Variants in CTNNBL1 observed in about 807,000 individuals in gnomAD.
CTNNBL1 encodes catenin beta like 1.
CTNNBL1 carries 31 observed loss-of-function variants against 72.7 expected under a neutral mutation model. The ratio of observed to expected loss-of-function variants is 0.43; its 90% CI spans 0.32 to 0.58. The LOEUF is 0.58. CTNNBL1 is among the 20% of genes least tolerant of loss of function. CTNNBL1 has a pLI of 0.08. For missense variants in CTNNBL1, 534 were observed against 725.1 expected, an observed-to-expected ratio of 0.74 and a Z score of 3.03; for synonymous variants, 240 against 267.3, an observed-to-expected ratio of 0.90 and a Z score of 1.00.
At chr20:37,702,130 C>G (rs568925471) in intron 1 of CTNNBL1, among the ~76,000 whole-genome samples, 1 of 152,302 alleles carries the variant, frequency 6.6e-6, no homozygotes, top group East Asian at 1.9e-4. Flanking sequence ...ATCCTCCTGC[C>G]TCAGTCTCCT....
intron 13 of CTNNBL1, among the ~76,000 whole-genome samples, chr20:37,857,885 G>T (rs532450714): frequency 6.6e-6 from 1 of 152,244 alleles, no homozygotes; most frequent in Non-Finnish European, 1.5e-5. Flanking sequence ...ACTCCTGAGA[G>T]CTCATAGCCC....
Position 37,732,861 on chromosome 20 carries a change from A to G in CTNNBL1, c.31-18A>G. The G allele has an allele frequency of 1.2e-6, 2 of 1,610,056 alleles. No homozygotes were observed. The highest frequency in any genetic ancestry group is 1.7e-6 in the Non-Finnish European group (2 of 1,178,358). ...ATGTTGTATCCAGCTCTAAAATCTTATGTTTCTTTTCTCTCAGCCCAATAG... is the reference window on the plus strand; with the variant it reads ...ATGTTGTATCCAGCTCTAAAATCTTGTGTTTCTTTTCTCTCAGCCCAATAG... On this transcript the variant is annotated intron_variant, in intron 1 of 15. Coordinates refer to ENST00000361383, the MANE Select transcript of CTNNBL1 (RefSeq NM_030877.5).
At chr20:37,860,149 T>A (rs561857683) in intron 14 of CTNNBL1, 113 bp downstream of exon 14, 21 of 1,489,702 alleles carry the variant, frequency 1.4e-5, no homozygotes, top group Non-Finnish European at 2.0e-5. Context: ...CTTGAATTCC[T>A]TTACTCTACA....
intron 10 of CTNNBL1, among the ~76,000 whole-genome samples, chr20:37,782,785 G>A (rs1482765739): frequency 6.6e-6 from 1 of 152,054 alleles, no homozygotes; most frequent in East Asian, 1.9e-4. Context: ...ATTTTCATCA[G>A]AATGCTTGAT....
chr20:37,848,299 T>C (rs560208134), intron 13 of CTNNBL1, among the ~76,000 whole-genome samples: 2 of 151,954 alleles, frequency 1.3e-5, no homozygotes, highest in African/African-American at 4.8e-5. Flanking sequence ...AGACCTCAGG[T>C]GTGTGCCACC....
chr20:37,843,654 C>T (rs915685972), intron 13 of CTNNBL1, among the ~76,000 whole-genome samples: 25 of 152,144 alleles, frequency 1.6e-4, no homozygotes, highest in Admixed American at 3.9e-4. Context: ...TTCATTCCAT[C>T]GTCCAAAAAT....
chr20:37,721,529 C>G (rs140135111), intron 1 of CTNNBL1, among the ~76,000 whole-genome samples: 56 of 152,286 alleles, frequency 3.7e-4, no homozygotes, highest in Non-Finnish European at 6.3e-4. Context: ...CCTTTTTTCT[C>G]TTCAGTGTGT....
chr20:37,788,229 C>A (rs1020438642), intron 10 of CTNNBL1, among the ~76,000 whole-genome samples: 2 of 152,140 alleles, frequency 1.3e-5, no homozygotes, highest in African/African-American at 4.8e-5. Flanking sequence ...AGTTGTACGG[C>A]TGTGTCTTCA....
At position 37,722,291 on chromosome 20, in the gene CTNNBL1, T is replaced by C. The variant is rs1164226390; in HGVS notation, c.31-10588T>C. Among the ~76,000 whole-genome samples, 8 of 152,038 alleles carry C rather than the reference T, an allele frequency of 5.3e-5. No homozygotes were observed. The East Asian group carries it at 1.5e-3, about 29-fold the overall frequency. On this transcript the variant is annotated intron_variant, in intron 1 of 15. Coordinates refer to ENST00000361383, the MANE Select transcript of CTNNBL1 (RefSeq NM_030877.5). ...GAGTTTGAGACCAGCCTGGCCAACA[T>C]GGCAAAACCCCATCTCTACTGAAAA...
At chr20:37,843,406 T>G (rs1333161462) in intron 13 of CTNNBL1, among the ~76,000 whole-genome samples, 1 of 152,228 alleles carries the variant, frequency 6.6e-6, no homozygotes, top group East Asian at 1.9e-4. Flanking sequence ...GCTACCGTGT[T>G]GCACTGGGAA....
chr20:37,713,640 C>G (rs1450529040), intron 1 of CTNNBL1, among the ~76,000 whole-genome samples: 1 of 152,166 alleles, frequency 6.6e-6, no homozygotes, highest in African/African-American at 2.4e-5. Flanking sequence ...TGCCTCTGCA[C>G]TAATGGCAGA....
At chr20:37,706,462 G>T (rs750490497) in intron 1 of CTNNBL1, among the ~76,000 whole-genome samples, 63 of 152,346 alleles carry the variant, frequency 4.1e-4, no homozygotes, top group Non-Finnish European at 8.1e-4. Flanking sequence ...ACTAGGAGTA[G>T]AGTTTATCTC....
chr20:37,751,410 GGT>G (rs1409296171), intron 4 of CTNNBL1: 1 of 152,076 alleles, frequency 6.6e-6, no homozygotes, highest in Non-Finnish European at 1.5e-5. Context: ...AGCTCTTTTT[GGT>G]GTGGAATAAT....
At chr20:37,728,489 T>G (rs1032275236) in intron 1 of CTNNBL1, among the ~76,000 whole-genome samples, 1 of 152,354 alleles carries the variant, frequency 6.6e-6, no homozygotes, top group African/African-American at 2.4e-5. Flanking sequence ...TGCCCAGTAC[T>G]CATCACAGTA....
intron 3 of CTNNBL1, among the ~76,000 whole-genome samples, chr20:37,746,139 C>T (rs995857073): frequency 6.6e-6 from 1 of 152,144 alleles, no homozygotes; most frequent in African/African-American, 2.4e-5. Context: ...TGAATTGCCA[C>T]ACCAAGGGGT....
chr20:37,746,497 A>G lies in CTNNBL1; in HGVS notation c.356A>G (p.Asp119Gly). Reference protein sequence around the residue: ...KFMESELDLNDIIQEMHVVAT... With the variant: ...KFMESELDLNGIIQEMHVVAT... The stretch of plus-strand genomic sequence containing the variant: ...ATGGAATCCGAGCTGGACCTAAATG[A>G]CATCATTCAGGAGATGCACGTGGTG... Residue 119 changes from aspartate (D) to glycine (G), a missense_variant, in exon 4 of 16, where the codon GAC becomes GGC. By Grantham distance (94) the Asp-to-Gly change is moderately conservative (BLOSUM62 -1). Coordinates refer to ENST00000361383, the MANE Select transcript of CTNNBL1 (RefSeq NM_030877.5). The G allele has an allele frequency of 1.2e-6, 2 of 1,613,984 alleles. No individual in the cohort carries two copies. Among genetic ancestry groups the G allele is most frequent in the Non-Finnish European group, 1.7e-6 (2 of 1,179,934 alleles).
chr20:37,771,500 A>C (rs1217919682), intron 7 of CTNNBL1, among the ~76,000 whole-genome samples: 2 of 151,836 alleles, frequency 1.3e-5, no homozygotes, highest in African/African-American at 4.8e-5. Flanking sequence ...TCTGCCTCTT[A>C]CCCAGGCCCA....
intron 5 of CTNNBL1, among the ~76,000 whole-genome samples, chr20:37,764,087 C>T (rs2073441816): frequency 6.6e-6 from 1 of 152,138 alleles, no homozygotes; most frequent in South Asian, 2.1e-4. Flanking sequence ...TTCAAACCTT[C>T]TGCTTGATTC....
At chr20:37,793,121 C>T (rs1048172969) in intron 10 of CTNNBL1, among the ~76,000 whole-genome samples, 2 of 152,182 alleles carry the variant, frequency 1.3e-5, no homozygotes, top group Non-Finnish European at 2.9e-5. Context: ...GGGTGGAATG[C>T]TTTATAAATG....
Sources: gnomAD v4.1 joint callset for allele counts (sites outside exome capture counted in the v4.1 genomes callset) on GRCh38, gnomAD v4.1.1 for gene constraint, MANE v1.5 for transcripts, NCBI Gene and HGNC (gene_info 2026-07-23, HGNC 2026-07-21) for gene names.